The following PUS10 variants were observed in gnomAD, a reference collection of about 807,000 sequenced individuals.
PUS10 encodes pseudouridine synthase 10, also known as tRNA pseudouridine synthase Pus10.
A neutral mutation model predicts 75.0 loss-of-function variants in PUS10; 59 were observed. The observed-to-expected ratio is 0.79, with a 90% CI of 0.64 to 0.98. The LOEUF (loss-of-function observed/expected upper bound fraction) is 0.98, where lower values mean the gene tolerates loss of function less well. Ranked by LOEUF, PUS10 falls within the 50% of genes least tolerant of loss-of-function variation. PUS10 has a pLI of 0.00. For missense variants in PUS10, 650 were observed against 614.4 expected (o/e 1.06, Z -0.61); for synonymous variants, 219 against 211.6 (o/e 1.03, Z -0.30).
intron 15 of PUS10, 62 bp from the exon 16 acceptor site, chr2:60,948,247 T>C (rs1292545381): frequency 6.5e-6 from 10 of 1,539,708 alleles, no homozygotes; most frequent in Non-Finnish European, 9.0e-6. Flanking sequence ...GAATCCTGTC[T>C]TAGCCCTTCC....
At chr2:60,943,555 T>G (rs1208677359) in intron 17 of PUS10, among the ~76,000 whole-genome samples, 3 of 152,078 alleles carry the variant, frequency 2.0e-5, no homozygotes, top group Non-Finnish European at 2.9e-5. Flanking sequence ...TACTGAAAAT[T>G]TTTTCATTAA....
intron 4 of PUS10, among the ~76,000 whole-genome samples, chr2:61,004,045 A>G (rs1283976312): frequency 6.6e-6 from 1 of 152,244 alleles, no homozygotes; most frequent in Non-Finnish European, 1.5e-5. Flanking sequence ...ATTGACATCA[A>G]TCAATTTTAT....
chr2:60,982,538 C>G (rs1441270682), intron 4 of PUS10, among the ~76,000 whole-genome samples: 3 of 152,154 alleles, frequency 2.0e-5, no homozygotes, highest in Admixed American at 6.5e-5. Context: ...GCTGGGATTA[C>G]AGGCGTGAGC....
chr2:60,946,221 G>T (rs1674935627), intron 16 of PUS10, among the ~76,000 whole-genome samples: 1 of 152,156 alleles, frequency 6.6e-6, no homozygotes, highest in Non-Finnish European at 1.5e-5. Context: ...GTCCAGAGAG[G>T]TTCTTATTCC....
chr2:60,982,555 G>A (rs1455210031), intron 4 of PUS10, among the ~76,000 whole-genome samples: 1 of 151,964 alleles, frequency 6.6e-6, no homozygotes, highest in Admixed American at 6.6e-5. Flanking sequence ...GAGCCACCAT[G>A]CCTGGCCAGA....
chr2:60,952,211 A>G lies in PUS10; in HGVS notation c.1308+786T>C, dbSNP rs575633571. ...TAACCAGGTGTGGTGGTGGGCGCCT[A>G]TAATCTCCGCTACCCAGGAGGCTGA... On this transcript the variant is annotated intron_variant, in intron 15 of 17. Coordinates refer to ENST00000316752, the MANE Select transcript of PUS10 (RefSeq NM_144709.4). Among the ~76,000 whole-genome samples the G allele has an allele frequency of 4.0e-3, 612 of 151,986 alleles. 7 individuals carry two copies. The highest frequency in any genetic ancestry group is 0.014 in the African/African-American group (585 of 41,458).
intron 4 of PUS10, among the ~76,000 whole-genome samples, chr2:60,984,196 A>C (rs1677580175): frequency 6.6e-6 from 1 of 152,202 alleles, no homozygotes; most frequent in Non-Finnish European, 1.5e-5. Flanking sequence ...GTAAATGGCA[A>C]ATGTCAGGCT....
chr2:60,999,854 T>C (rs570195544), intron 4 of PUS10, among the ~76,000 whole-genome samples: 8 of 152,312 alleles, frequency 5.3e-5, no homozygotes, highest in African/African-American at 1.7e-4. Context: ...GTACAGGCTT[T>C]TTCCTGTGAT....
chr2:60,977,781 C>G (rs1677125386), intron 4 of PUS10, among the ~76,000 whole-genome samples: 1 of 152,096 alleles, frequency 6.6e-6, no homozygotes, highest in African/African-American at 2.4e-5. Flanking sequence ...AAAAGGCAGG[C>G]TCTGCTTCTC....
intron 15 of PUS10, among the ~76,000 whole-genome samples, chr2:60,948,966 A>AATTTCCATGGTTCTTGAGT (rs1407079685): frequency 7.2e-5 from 11 of 152,162 alleles, no homozygotes; most frequent in African/African-American, 2.7e-4. Context: ...AACTCTTCCT[A>AATTTCCATGGTTCTTGAGT]ATTTCCATGG....
At chr2:60,943,106 C>T (rs1674720514) in intron 17 of PUS10, among the ~76,000 whole-genome samples, 2 of 151,496 alleles carry the variant, frequency 1.3e-5, no homozygotes, top group South Asian at 4.2e-4. Flanking sequence ...ACCAATTTTC[C>T]CTCAGAAGTC....
intron 17 of PUS10, 107 bp downstream of exon 17, chr2:60,944,902 C>T (rs1462684260): frequency 1.3e-6 from 1 of 754,452 alleles, no homozygotes; most frequent in South Asian, 1.6e-5. Flanking sequence ...TTTCACCATT[C>T]TCAAATACCT....
intron 2 of PUS10, among the ~76,000 whole-genome samples, chr2:61,011,486 C>A (rs988606838): frequency 1.3e-5 from 2 of 152,108 alleles, no homozygotes; most frequent in African/African-American, 4.8e-5. Flanking sequence ...GTTTAGATAT[C>A]CTTTAGGAAA....
rs1559020589 is a variant in PUS10, at chr2:61,017,828, A to C, written c.-16+180T>G. On this transcript the variant is annotated intron_variant, in intron 1 of 17. Transcript: ENST00000316752. ...GCCGAATTCCGGGAGCCGGACCGGG[A>C]CCAGGACCGGGCCCCACTTTCCAGT... The C allele has an allele frequency of 3.2e-6, 5 of 1,550,468 alleles. No homozygotes were observed. Among genetic ancestry groups the C allele is most frequent in the Non-Finnish European group, 4.4e-6 (5 of 1,146,770 alleles).
At chr2:60,995,405 T>C (rs1283491006) in intron 4 of PUS10, among the ~76,000 whole-genome samples, 3 of 152,228 alleles carry the variant, frequency 2.0e-5, no homozygotes, top group Non-Finnish European at 4.4e-5. Context: ...TATGCATACA[T>C]ACATATATAT....
chr2:60,982,612 C>G (rs1376015645), intron 4 of PUS10, among the ~76,000 whole-genome samples: 3 of 152,036 alleles, frequency 2.0e-5, no homozygotes, highest in Non-Finnish European at 4.4e-5. Flanking sequence ...TAATAAAGAC[C>G]TACCTTTATA....
intron 4 of PUS10, 26 bp from the exon 5 acceptor site, chr2:60,971,583 A>C: frequency 6.2e-7 from 1 of 1,609,354 alleles, no homozygotes; most frequent in Non-Finnish European, 8.5e-7. Flanking sequence ...TCACACCCAG[A>C]AAGAGAAAAG....
chr2:61,008,615 G>C, intron 3 of PUS10, 146 bp downstream of exon 3: 3 of 626,428 alleles, frequency 4.8e-6, no homozygotes, highest in Non-Finnish European at 5.3e-6. Context: ...AGCTGTGATT[G>C]TACCACTGCA....
At chr2:61,007,912 C>T (rs1414586301) in intron 3 of PUS10, among the ~76,000 whole-genome samples, 2 of 151,356 alleles carry the variant, frequency 1.3e-5, no homozygotes, top group Non-Finnish European at 2.9e-5. Context: ...GAAACCCCGT[C>T]TCTACTGAAA....
Sources: allele counts gnomAD v4.1 joint callset (sites outside exome capture counted in the v4.1 genomes callset), GRCh38; gene constraint gnomAD v4.1.1; transcripts MANE v1.5; gene names NCBI Gene and HGNC (gene_info 2026-07-23, HGNC 2026-07-21).